The following SUSD1 variants were observed in gnomAD, a reference collection of about 807,000 sequenced individuals.
SUSD1 encodes the protein sushi domain containing 1.
SUSD1 carries 65 observed loss-of-function variants against 86.9 expected under a neutral mutation model. The observed-to-expected ratio is 0.75, with a 90% CI of 0.61 to 0.92. The LOEUF is 0.92. Among genes scored for constraint, SUSD1 ranks in the 40% least tolerant of loss-of-function variants. The pLI, the probability that SUSD1 is intolerant of heterozygous loss-of-function variation, is 0.00. For synonymous variants in SUSD1, 346 were observed against 350.0 expected (o/e 0.99, Z 0.13); for missense variants, 850 against 929.7 (o/e 0.91, Z 1.11).
chr9:112,124,579 ATAAG>A (rs1461666918), intron 5 of SUSD1, 143 bp from the exon 6 acceptor site: 1 of 727,324 alleles, frequency 1.4e-6, no homozygotes, highest in East Asian at 2.9e-5. Flanking sequence ...ATAATCCAAT[ATAAG>A]TATGTCTGAA....
chr9:112,120,514 T>A (rs532749365), intron 6 of SUSD1, among the ~76,000 whole-genome samples: 2 of 152,290 alleles, frequency 1.3e-5, no homozygotes, highest in South Asian at 4.1e-4. Context: ...ATGTAAATCA[T>A]CCCCTTTATC....
At chr9:112,128,252 C>T (rs1400603731) in intron 5 of SUSD1, among the ~76,000 whole-genome samples, 1 of 151,874 alleles carries the variant, frequency 6.6e-6, no homozygotes, top group African/African-American at 2.4e-5. Context: ...ACCACCACAC[C>T]CAGCTAATTT....
intron 2 of SUSD1, among the ~76,000 whole-genome samples, chr9:112,154,862 A>T (rs117959755): frequency 0.025 from 3,779 of 152,284 alleles, 69 homozygotes; most frequent in Middle Eastern, 0.088. Context: ...CAGCAGGCCA[A>T]GCATCGGGAT....
At chr9:112,147,851 T>TTTAG (rs59844078) in intron 3 of SUSD1, among the ~76,000 whole-genome samples, 39,248 of 152,014 alleles carry the variant, frequency 0.26, 5,774 homozygotes, top group African/African-American at 0.4. Flanking sequence ...ATGCTTTTTT[T>TTTAG]TTAGTGTCTT....
intron 10 of SUSD1, among the ~76,000 whole-genome samples, chr9:112,083,917 A>G (rs1282092630): frequency 6.6e-6 from 1 of 152,190 alleles, no homozygotes; most frequent in East Asian, 1.9e-4. Context: ...TTATAACACT[A>G]TGTCTCAATG....
intron 2 of SUSD1, among the ~76,000 whole-genome samples, chr9:112,154,216 C>CAGT (rs1283622896): frequency 6.6e-6 from 1 of 151,650 alleles, no homozygotes; most frequent in Admixed American, 6.6e-5. Flanking sequence ...GGGCCAGGTG[C>CAGT]AGTAGCTCAC....
chr9:112,136,388 C>G (rs1259133216), intron 5 of SUSD1, among the ~76,000 whole-genome samples: 1 of 152,144 alleles, frequency 6.6e-6, no homozygotes, highest in African/African-American at 2.4e-5. Context: ...CGCGTGCCAT[C>G]ATGCCCAGAC....
intron 12 of SUSD1, among the ~76,000 whole-genome samples, chr9:112,073,319 T>C (rs1044244351): frequency 6.6e-6 from 1 of 152,122 alleles, no homozygotes; most frequent in African/African-American, 2.4e-5. Context: ...GAATAAATAA[T>C]TTCCTTTTCA....
Position 112,175,260 on chromosome 9 carries a change from G to C in SUSD1, c.-25C>G, listed in dbSNP as rs1298051709. 4 of 1,141,108 alleles carry C rather than the reference G, an allele frequency of 3.5e-6. No individual in the cohort carries two copies. Among genetic ancestry groups the C allele is most frequent in the Non-Finnish European group, 2.2e-6 (2 of 930,110 alleles). 70.7% of individuals were successfully genotyped at this position (1,141,108 alleles called of 1,614,324 possible). A position where few individuals can be genotyped will look rare whatever the true frequency, so the allele number is the denominator to read the frequency against. On this transcript the variant is annotated 5_prime_UTR_variant, in exon 1 of 17. Transcript: ENST00000374270. This position sits in a 1 kb window ranked among gnomAD's most constrained non-coding sequence, Gnocchi z 4.7. ...TGCCGCCGCCGGTCCCTCCCGGCGC[G>C]CCCGCGCCTCCTCCCGGGGCCCTCA...
At chr9:112,085,562 T>C (rs564743800) in intron 10 of SUSD1, among the ~76,000 whole-genome samples, 1 of 152,314 alleles carries the variant, frequency 6.6e-6, no homozygotes, top group African/African-American at 2.4e-5. Context: ...AGAGGAACTG[T>C]GCCAAACTAC....
intron 10 of SUSD1, among the ~76,000 whole-genome samples, chr9:112,089,886 T>C (rs1830138372): frequency 6.6e-6 from 1 of 151,320 alleles, no homozygotes; most frequent in African/African-American, 2.4e-5. Context: ...AATCAAGAAG[T>C]TTTATCTATA....
chr9:112,104,053 T>TTG (rs1185925698), intron 8 of SUSD1, among the ~76,000 whole-genome samples: 1 of 151,990 alleles, frequency 6.6e-6, no homozygotes, highest in Non-Finnish European at 1.5e-5. Context: ...TTCTCTCTCT[T>TTG]TTTTTAAACA....
chr9:112,123,237 G>A (rs1831623467), intron 6 of SUSD1, among the ~76,000 whole-genome samples: 3 of 152,260 alleles, frequency 2.0e-5, no homozygotes, highest in East Asian at 3.9e-4. Context: ...GAGGGCCCTG[G>A]GAAGTTGACA....
chr9:112,150,314 G>A (rs1832990996), intron 2 of SUSD1, among the ~76,000 whole-genome samples: 2 of 144,018 alleles, frequency 1.4e-5, no homozygotes, highest in Admixed American at 1.4e-4. Context: ...AATTGTTTAT[G>A]CATCCTTTTA....
At chr9:112,062,724 T>TA (rs1020676767) in intron 13 of SUSD1, among the ~76,000 whole-genome samples, 3 of 151,812 alleles carry the variant, frequency 2.0e-5, no homozygotes, top group Admixed American at 2.0e-4. Flanking sequence ...ATTTAAATTT[T>TA]AAAAAAAAGA....
chr9:112,058,585 C>A lies in SUSD1; in HGVS notation c.1952G>T (p.Gly651Val). 3.7e-6 allele frequency: 6 copies of A among 1,614,148 alleles called. No homozygotes were observed. Among genetic ancestry groups the A allele is most frequent in the Non-Finnish European group, 5.1e-6 (6 of 1,180,018 alleles). Residue 651 changes from glycine (G) to valine (V), a missense_variant, in exon 14 of 17, where the codon GGA (glycine) becomes GTA (valine). Physicochemically the swap from Gly to Val is moderately radical, Grantham distance 109. Coordinates refer to ENST00000374270, the MANE Select transcript of SUSD1 (RefSeq NM_022486.5). ...GGCCAGTAGTTCTGCAGCCACGTAT[C>A]CATCAGCATCAGAGGCGTTGCTAAA... is the stretch of plus-strand genomic sequence containing the variant. ...SFFSNASDAD[G>V]YVAAELLAKD...
At chr9:112,061,854 G>T (rs150289437) in intron 13 of SUSD1, among the ~76,000 whole-genome samples, 1 of 151,618 alleles carries the variant, frequency 6.6e-6, no homozygotes, top group African/African-American at 2.4e-5. Flanking sequence ...GGTCAGCAGA[G>T]ACAAAGGCAA....
intron 12 of SUSD1, among the ~76,000 whole-genome samples, chr9:112,068,876 C>A (rs567492002): frequency 6.6e-6 from 1 of 152,058 alleles, no homozygotes; most frequent in Non-Finnish European, 1.5e-5. Flanking sequence ...AGGGAACAAA[C>A]GGAAACCTTG....
chr9:112,053,584 C>T (rs1315289493), intron 14 of SUSD1, among the ~76,000 whole-genome samples: 1 of 145,300 alleles, frequency 6.9e-6, no homozygotes, highest in Admixed American at 6.9e-5. Flanking sequence ...ATGTGACTAA[C>T]ATTTGCTTTG....
Sources: gnomAD v4.1 joint callset for allele counts (sites outside exome capture counted in the v4.1 genomes callset) on GRCh38, gnomAD v4.1.1 for gene constraint, Gnocchi (gnomAD v3.1) non-coding constraint, MANE v1.5 for transcripts, NCBI Gene and HGNC (gene_info 2026-07-23, HGNC 2026-07-21) for gene names.